ABCB5: variants seen among roughly 807,000 people sequenced by gnomAD.
ABCB5 encodes ATP-binding cassette sub-family B member 5.
ABCB5 carries 155 observed loss-of-function variants against 144.2 expected under a neutral mutation model. The observed-to-expected ratio is 1.08, with a 90% CI of 0.94 to 1.23. ABCB5 has a LOEUF of 1.23. ABCB5 is among the 50% of genes most tolerant of loss of function. The probability of loss-of-function intolerance (pLI) is 0.00; values close to 1 mark genes in which losing one functional copy is unlikely to be tolerated. For synonymous variants in ABCB5, 610 were observed against 528.6 expected (o/e 1.15, Z -2.11); for missense variants, 1,830 against 1,520.8 (o/e 1.20, Z -3.38).
chr7:20,645,614 A>C (rs1032926106), intron 7 of ABCB5, 142 bp from the exon 8 acceptor site: 4 of 1,043,882 alleles, frequency 3.8e-6, no homozygotes, highest in Non-Finnish European at 5.4e-6. Flanking sequence ...TAGTATTTGA[A>C]GACAAATTTT....
intron 14 of ABCB5, among the ~76,000 whole-genome samples, chr7:20,671,830 G>C (rs1334562453): frequency 6.6e-6 from 1 of 152,120 alleles, no homozygotes. Context: ...TATTTCTCTT[G>C]AGTAAATACC....
intron 5 of ABCB5, among the ~76,000 whole-genome samples, chr7:20,633,730 C>G (rs941552357): frequency 1.3e-5 from 2 of 152,062 alleles, no homozygotes; most frequent in African/African-American, 4.8e-5. Context: ...TCCTATCTAC[C>G]TATAACTTTA....
At chr7:20,707,801 C>CTTTTTTT (rs67014566) in intron 20 of ABCB5, among the ~76,000 whole-genome samples, 1,516 of 92,930 alleles carry the variant, frequency 0.016, 51 homozygotes, top group African/African-American at 0.023. Context: ...AACCTCATTT[C>CTTTTTTT]TTTTTTTTTT....
At position 20,698,210 on chromosome 7, in the gene ABCB5, G is replaced by A. The variant is rs534880948; in HGVS notation, c.2011-197G>A. Reference sequence around the variant, plus strand: ...GATATTGCACAAATAGTCACTTGTGGCAAATCTTCTTTTATTTTATGCTTT... The same window carrying A: ...GATATTGCACAAATAGTCACTTGTGACAAATCTTCTTTTATTTTATGCTTT... On this transcript the variant is annotated intron_variant, in intron 16 of 27. Coordinates refer to ENST00000404938, the MANE Select transcript of ABCB5 (RefSeq NM_001163941.2). Among the ~76,000 whole-genome samples the A allele has an allele frequency of 4.6e-5, 7 of 152,246 alleles. No homozygotes were observed. The South Asian group carries it at 1.5e-3, about 32-fold the overall frequency.
chr7:20,651,375 T>C (rs777048901), intron 12 of ABCB5, 45 bp from the exon 13 acceptor site: 31 of 1,598,808 alleles, frequency 1.9e-5, no homozygotes, highest in Non-Finnish European at 2.5e-5. Context: ...CTAAAATCAA[T>C]ACAGTAAAAG....
intron 2 of ABCB5, among the ~76,000 whole-genome samples, chr7:20,624,294 TTC>T (rs1156443423): frequency 6.6e-6 from 1 of 152,178 alleles, no homozygotes; most frequent in Non-Finnish European, 1.5e-5. Context: ...AGAGTTTGGG[TTC>T]TGGCGTCAGA....
intron 26 of ABCB5, among the ~76,000 whole-genome samples, chr7:20,748,067 CTTTCTTAAAGTT>C (rs1360688646): frequency 6.6e-6 from 1 of 152,164 alleles, no homozygotes. Context: ...AGTTCAATAA[CTTTCTTAAAGTT>C]GTATAGAAAC....
chr7:20,666,770 C>A (rs1785209169), intron 14 of ABCB5: 2 of 1,597,136 alleles, frequency 1.3e-6, no homozygotes, highest in African/African-American at 1.3e-5. Context: ...AAAAATAATA[C>A]AACAAAGACG....
At chr7:20,651,827 T>A (rs932264756) in intron 13 of ABCB5, 4 of 554,066 alleles carry the variant, frequency 7.2e-6, no homozygotes, top group Non-Finnish European at 9.5e-6. Flanking sequence ...CTTAACACAT[T>A]ATGAGATTTT....
At chr7:20,643,162 C>T (rs377268116) in intron 5 of ABCB5, 22 bp from the exon 6 acceptor site, 21 of 1,575,624 alleles carry the variant, frequency 1.3e-5, no homozygotes, top group African/African-American at 2.7e-5. Flanking sequence ...TTCAGTCTCA[C>T]ATTCTAATAC....
At chr7:20,738,282 T>G (rs779090287) in intron 23 of ABCB5, among the ~76,000 whole-genome samples, 3 of 152,206 alleles carry the variant, frequency 2.0e-5, no homozygotes, top group Non-Finnish European at 4.4e-5. Flanking sequence ...AGGAAAATAT[T>G]TAACCATGGT....
chr7:20,696,328 T>C (rs1012212483), intron 16 of ABCB5, among the ~76,000 whole-genome samples: 3 of 152,082 alleles, frequency 2.0e-5, no homozygotes, highest in African/African-American at 7.2e-5. Flanking sequence ...GAGTAGATAA[T>C]GTATGATTTC....
At chr7:20,690,009 A>G (rs1448241656) in intron 16 of ABCB5, among the ~76,000 whole-genome samples, 2 of 152,190 alleles carry the variant, frequency 1.3e-5, no homozygotes, top group Non-Finnish European at 2.9e-5. Context: ...GGCCATCATG[A>G]CAAGTTTGGA....
chr7:20,678,097 ATAAG>A (rs1409148325), intron 14 of ABCB5, among the ~76,000 whole-genome samples: 1 of 152,244 alleles, frequency 6.6e-6, no homozygotes, highest in East Asian at 1.9e-4. Context: ...CATAGATCCA[ATAAG>A]TAAGAACAGG....
At chr7:20,729,717 A>G (rs560632385) in intron 23 of ABCB5, among the ~76,000 whole-genome samples, 1 of 152,348 alleles carries the variant, frequency 6.6e-6, no homozygotes, top group African/African-American at 2.4e-5. Context: ...ACTTGACTCA[A>G]AAAAGTAACA....
chr7:20,661,267 A>G (rs189633063), intron 14 of ABCB5, among the ~76,000 whole-genome samples: 1 of 152,306 alleles, frequency 6.6e-6, no homozygotes, highest in East Asian at 1.9e-4. Flanking sequence ...CGCCCCAACA[A>G]TGCCTGCTTC....
intron 16 of ABCB5, among the ~76,000 whole-genome samples, chr7:20,688,895 C>A (rs1562563246): frequency 6.6e-6 from 1 of 151,834 alleles, no homozygotes; most frequent in Non-Finnish European, 1.5e-5. Context: ...CATGTTCTCA[C>A]TCATAGGTGG....
intron 11 of ABCB5, among the ~76,000 whole-genome samples, chr7:20,649,432 T>C (rs184956820): frequency 1.4e-4 from 22 of 152,274 alleles, no homozygotes; most frequent in African/African-American, 5.3e-4. Flanking sequence ...GTAATTATTG[T>C]GAGGCTTCAA....
intron 20 of ABCB5, among the ~76,000 whole-genome samples, chr7:20,712,900 G>A (rs1347168849): frequency 6.7e-6 from 1 of 149,522 alleles, no homozygotes; most frequent in Admixed American, 6.7e-5. Context: ...TATTTTTTGT[G>A]TGGTGAGAAC....
Sources: allele counts gnomAD v4.1 joint callset (sites outside exome capture counted in the v4.1 genomes callset), GRCh38; gene constraint gnomAD v4.1.1; transcripts MANE v1.5; gene names NCBI Gene and HGNC (gene_info 2026-07-23, HGNC 2026-07-21).